Variants in PPP2R2B observed in about 807,000 individuals in gnomAD.
PPP2R2B encodes protein phosphatase 2 regulatory subunit Bbeta.
A neutral mutation model predicts 46.0 loss-of-function variants in PPP2R2B; 5 were observed. That is an observed-to-expected ratio of 0.11 (90% CI 0.06 to 0.23). The LOEUF is 0.23. Ranked by LOEUF, PPP2R2B falls within the 10% of genes least tolerant of loss-of-function variation. The pLI, the probability that PPP2R2B is intolerant of heterozygous loss-of-function variation, is 1.00. For missense variants in PPP2R2B, 367 were observed against 575.0 expected, an observed-to-expected ratio of 0.64 and a Z score of 3.70; for synonymous variants, 215 against 206.7, an observed-to-expected ratio of 1.04 and a Z score of -0.34.
intron 1 of PPP2R2B, among the ~76,000 whole-genome samples, chr5:146,887,321 T>G (rs1359623295): frequency 6.6e-6 from 1 of 152,108 alleles, no homozygotes; most frequent in Admixed American, 6.5e-5. Flanking sequence ...TGGAACTGTT[T>G]CAAAATTTTT....
At chr5:146,808,726 T>C (rs1177427844) in intron 2 of PPP2R2B, among the ~76,000 whole-genome samples, 1 of 152,198 alleles carries the variant, frequency 6.6e-6, no homozygotes, top group Non-Finnish European at 1.5e-5. Context: ...CAGGCAAGTT[T>C]TATTTCCTCT....
chr5:146,646,758 A>G (rs1307023215), intron 6 of PPP2R2B, among the ~76,000 whole-genome samples: 1 of 152,182 alleles, frequency 6.6e-6, no homozygotes, highest in Non-Finnish European at 1.5e-5. Flanking sequence ...CAACTTTTCT[A>G]GTTTCCTTGT....
intron 1 of PPP2R2B, among the ~76,000 whole-genome samples, chr5:146,935,753 G>T (rs532095623): frequency 6.6e-6 from 1 of 152,282 alleles, no homozygotes; most frequent in Admixed American, 6.5e-5. Flanking sequence ...TCAGTGTAAA[G>T]TTTGGAAAAG....
chr5:146,741,105 G>A (rs1752851206), intron 2 of PPP2R2B, among the ~76,000 whole-genome samples: 1 of 152,110 alleles, frequency 6.6e-6, no homozygotes, highest in South Asian at 2.1e-4. Context: ...TTAGGAATGG[G>A]GATCTAGGCA....
At chr5:146,931,229 T>G (rs1303078187) in intron 1 of PPP2R2B, among the ~76,000 whole-genome samples, 1 of 152,112 alleles carries the variant, frequency 6.6e-6, no homozygotes, top group African/African-American at 2.4e-5. Flanking sequence ...ATGAAAATGT[T>G]TTAGGTTTAA....
chr5:147,064,839 A>G (rs1297923111), intron 2 of PPP2R2B, among the ~76,000 whole-genome samples: 2 of 152,236 alleles, frequency 1.3e-5, no homozygotes, highest in Admixed American at 1.3e-4. Context: ...AAGGCATTCC[A>G]TAAACCAAGT....
chr5:146,834,114 T>G (rs527826075), intron 2 of PPP2R2B, among the ~76,000 whole-genome samples: 1 of 152,336 alleles, frequency 6.6e-6, no homozygotes, highest in Admixed American at 6.5e-5. Flanking sequence ...TAAAAAGGAT[T>G]CTTGTTATTT....
At chr5:146,845,436 G>A (rs62373277) in intron 2 of PPP2R2B, among the ~76,000 whole-genome samples, 5 of 151,000 alleles carry the variant, frequency 3.3e-5, no homozygotes, top group African/African-American at 1.2e-4. Flanking sequence ...TGCACTTTTA[G>A]TAGAGACGGG....
At chr5:146,922,205 G>T (rs1353208396) in intron 1 of PPP2R2B, 1 of 152,192 alleles carries the variant, frequency 6.6e-6, no homozygotes, top group East Asian at 1.9e-4. Flanking sequence ...ATTAGCTTCT[G>T]CATCCCCTTG....
intron 2 of PPP2R2B, among the ~76,000 whole-genome samples, chr5:146,711,101 T>C (rs935105526): frequency 3.3e-5 from 5 of 152,228 alleles, no homozygotes; most frequent in Non-Finnish European, 5.9e-5. Context: ...CATTAGCATT[T>C]ATCACAATGA....
At chr5:146,963,449 T>A (rs765640647) in intron 1 of PPP2R2B, among the ~76,000 whole-genome samples, 2 of 152,192 alleles carry the variant, frequency 1.3e-5, no homozygotes, top group Non-Finnish European at 2.9e-5. Flanking sequence ...ACTCACTGGC[T>A]CCTACCTGAA....
chr5:146,858,036 A>G (rs1267328504), intron 2 of PPP2R2B, among the ~76,000 whole-genome samples: 1 of 152,158 alleles, frequency 6.6e-6, no homozygotes, highest in Admixed American at 6.5e-5. Flanking sequence ...AGCAATTACT[A>G]CCTACTATTT....
intron 2 of PPP2R2B, among the ~76,000 whole-genome samples, chr5:146,856,011 C>A (rs951015856): frequency 1.3e-5 from 2 of 152,108 alleles, no homozygotes; most frequent in African/African-American, 4.8e-5. Context: ...TCAGTGATAC[C>A]TTTTATTCTT....
intron 1 of PPP2R2B, among the ~76,000 whole-genome samples, chr5:147,026,145 G>A (rs1302198120): frequency 1.3e-5 from 2 of 151,970 alleles, no homozygotes; most frequent in East Asian, 3.9e-4. Context: ...AGGGAAAAAG[G>A]ATAGATCTCC....
At chr5:147,081,385 T>C (rs1485417631) in exon 1 of PPP2R2B, 9 of 1,287,300 alleles carry the variant, frequency 7.0e-6, no homozygotes, top group Non-Finnish European at 4.3e-6. Context: ...CAGTTTGAAC[T>C]GGAGCAATTG....
In PPP2R2B at chr5:146,800,917, TACACACACAC is replaced by T. The variant is rs148564633; in HGVS notation, c.70+77075_70+77084del. Among the ~76,000 whole-genome samples, 1,067 of 145,422 alleles carry T rather than the reference TACACACACAC, an allele frequency of 7.3e-3. 6 individuals are homozygous for T. The highest frequency in any genetic ancestry group is 0.056 in the Middle Eastern group (16 of 284). On this transcript the variant is annotated intron_variant, in intron 2 of 9. Transcript: ENST00000394411. The stretch of plus-strand genomic sequence containing the variant: ...GAAGAAAATGTGGGGTATGTGTACA[TACACACACAC>T]ACACACACACACACACACATATACA...
chr5:146,892,572 A>AC (rs1033868268), intron 1 of PPP2R2B, among the ~76,000 whole-genome samples: 1 of 152,028 alleles, frequency 6.6e-6, no homozygotes, highest in African/African-American at 2.4e-5. Flanking sequence ...TTCAGTCTTT[A>AC]CCCCTTCCAA....
At chr5:146,600,206 A>T in intron 8 of PPP2R2B, 85 bp downstream of exon 8, 1 of 1,444,038 alleles carries the variant, frequency 6.9e-7, no homozygotes. Context: ...ATTTTGCTGC[A>T]CTGTAAACCT....
intron 1 of PPP2R2B, among the ~76,000 whole-genome samples, chr5:146,975,028 G>A (rs1752836883): frequency 6.6e-6 from 1 of 152,040 alleles, no homozygotes; most frequent in South Asian, 2.1e-4. Flanking sequence ...TTTTGCAATT[G>A]TGATACAACA....
Sources: allele counts gnomAD v4.1 joint callset (sites outside exome capture counted in the v4.1 genomes callset), GRCh38; gene constraint gnomAD v4.1.1; transcripts MANE v1.5; gene names NCBI Gene and HGNC (gene_info 2026-07-23, HGNC 2026-07-21).